The following OSBPL1A variants were observed in gnomAD, a reference collection of about 807,000 sequenced individuals.
OSBPL1A encodes oxysterol-binding protein-related protein 1.
In OSBPL1A, 80 loss-of-function variants were observed where a neutral mutation model predicts 137.1. The observed-to-expected ratio is 0.58, with a 90% CI of 0.49 to 0.70. The LOEUF (loss-of-function observed/expected upper bound fraction) is 0.70, where lower values mean the gene tolerates loss of function less well. Among genes scored for constraint, OSBPL1A ranks in the 30% least tolerant of loss-of-function variants. The pLI is 0.00. For missense variants in OSBPL1A, 970 were observed against 1,129.4 expected (o/e 0.86, Z 2.02); for synonymous variants, 365 against 389.7 (o/e 0.94, Z 0.75).
At chr18:24,205,087 T>G (rs1353804936) in intron 17 of OSBPL1A, among the ~76,000 whole-genome samples, 1 of 152,234 alleles carries the variant, frequency 6.6e-6, no homozygotes, top group Admixed American at 6.5e-5. Flanking sequence ...ACTTAATGTG[T>G]ATCACCTCAT....
chr18:24,328,307 G>A (rs994632220), intron 7 of OSBPL1A, among the ~76,000 whole-genome samples: 18 of 129,962 alleles, frequency 1.4e-4, no homozygotes, highest in African/African-American at 4.1e-4. Context: ...TGATCCGCCC[G>A]CCTCAGCCTC....
At chr18:24,174,785 T>C (rs1406628766) in intron 21 of OSBPL1A, among the ~76,000 whole-genome samples, 1 of 152,080 alleles carries the variant, frequency 6.6e-6, no homozygotes, top group African/African-American at 2.4e-5. Flanking sequence ...TTATTTATTT[T>C]TTTTTAGAGA....
chr18:24,321,210 G>A (rs1294149719), intron 7 of OSBPL1A, among the ~76,000 whole-genome samples: 1 of 151,984 alleles, frequency 6.6e-6, no homozygotes, highest in Non-Finnish European at 1.5e-5. Context: ...CACTTAAACT[G>A]CACAAATTCA....
intron 14 of OSBPL1A, 30 bp from the exon 15 acceptor site, chr18:24,280,978 C>A: frequency 6.1e-6 from 9 of 1,471,656 alleles, no homozygotes; most frequent in Middle Eastern, 1.8e-4. Flanking sequence ...TACAGTGAGT[C>A]GGATTTTAAG....
At chr18:24,350,804 A>C (rs2146170865) in intron 4 of OSBPL1A, among the ~76,000 whole-genome samples, 1 of 152,306 alleles carries the variant, frequency 6.6e-6, no homozygotes, top group East Asian at 1.9e-4. Flanking sequence ...CAAAGGTAAG[A>C]GGTATTTCCA....
chr18:24,170,254 G>A, intron 24 of OSBPL1A, 73 bp downstream of exon 24: 1 of 1,546,930 alleles, frequency 6.5e-7, no homozygotes, highest in Non-Finnish European at 8.8e-7. Context: ...CCTAGAACAG[G>A]CCACCTCCAA....
At chr18:24,322,350 T>C (rs1046442996) in intron 7 of OSBPL1A, among the ~76,000 whole-genome samples, 3 of 151,784 alleles carry the variant, frequency 2.0e-5, no homozygotes, top group Admixed American at 6.6e-5. Flanking sequence ...CTCGATCTCC[T>C]GACCTCGTGA....
In OSBPL1A at chr18:24,387,702, C is replaced by A. The variant is rs1275672686; in HGVS notation, c.-3+9953G>T. Among the ~76,000 whole-genome samples the A allele has an allele frequency of 2.0e-5, 3 of 151,972 alleles. No individual in the cohort carries two copies. The East Asian group carries it at 5.8e-4, about 29-fold the overall frequency. ...GCACTGGGATTACAGGCATGCGCCA[C>A]TGCACCCAGCCCACAATTTCTTTTC... On this transcript the variant is annotated intron_variant, in intron 1 of 27. Transcript: ENST00000319481.
At chr18:24,366,856 C>G in intron 4 of OSBPL1A, 36 bp downstream of exon 4, 1 of 1,584,036 alleles carries the variant, frequency 6.3e-7, no homozygotes, top group East Asian at 2.3e-5. Context: ...CTCCAAATAC[C>G]TCACTTACAA....
chr18:24,245,874 T>A (rs111773001), intron 15 of OSBPL1A, among the ~76,000 whole-genome samples: 6 of 152,294 alleles, frequency 3.9e-5, no homozygotes, highest in African/African-American at 1.4e-4. Flanking sequence ...TGAAACCTTT[T>A]TCAGTCCTTC....
intron 5 of OSBPL1A, among the ~76,000 whole-genome samples, chr18:24,338,308 C>T (rs569896663): frequency 5.9e-5 from 9 of 151,900 alleles, no homozygotes; most frequent in Admixed American, 1.3e-4. Flanking sequence ...TCTCGATCTC[C>T]TGACCTCATG....
chr18:24,247,445 TAAG>T (rs1347804577), intron 15 of OSBPL1A, among the ~76,000 whole-genome samples: 2 of 152,110 alleles, frequency 1.3e-5, no homozygotes, highest in African/African-American at 4.8e-5. Context: ...AACCTGTTCT[TAAG>T]AAGGTTTTTG....
chr18:24,285,777 CTT>C (rs1040091341), intron 14 of OSBPL1A, among the ~76,000 whole-genome samples: 1 of 152,154 alleles, frequency 6.6e-6, no homozygotes, highest in African/African-American at 2.4e-5. Flanking sequence ...GATGATTTAT[CTT>C]TTGTGGTGTA....
intron 7 of OSBPL1A, among the ~76,000 whole-genome samples, chr18:24,320,832 A>C (rs1037808552): frequency 1.3e-5 from 2 of 152,036 alleles, no homozygotes; most frequent in Admixed American, 1.3e-4. Context: ...GTTCGAGACC[A>C]GCCTGGCCAA....
At chr18:24,169,164 CAAAG>C (rs771213873) in intron 24 of OSBPL1A, among the ~76,000 whole-genome samples, 3 of 152,284 alleles carry the variant, frequency 2.0e-5, no homozygotes, top group Non-Finnish European at 4.4e-5. Flanking sequence ...TAAAGGGAAA[CAAAG>C]AAAGAAAGAA....
intron 2 of OSBPL1A, among the ~76,000 whole-genome samples, chr18:24,369,529 G>A (rs1414475476): frequency 6.6e-6 from 1 of 152,032 alleles, no homozygotes; most frequent in Non-Finnish European, 1.5e-5. Flanking sequence ...CACAGCTACT[G>A]TAGATAGCAG....
At chr18:24,356,874 G>C (rs2160810) in intron 4 of OSBPL1A, among the ~76,000 whole-genome samples, 103,171 of 152,022 alleles carry the variant, frequency 0.68, 35,664 homozygotes, top group East Asian at 0.84. Context: ...TGAACTTCCA[G>C]AAACTCAACC....
intron 2 of OSBPL1A, among the ~76,000 whole-genome samples, chr18:24,372,134 G>A (rs1288410762): frequency 1.3e-5 from 2 of 151,966 alleles, no homozygotes; most frequent in Non-Finnish European, 2.9e-5. Flanking sequence ...AATCAGCCAG[G>A]CGTGGTGGCG....
At chr18:24,257,586 A>T (rs955754947) in intron 15 of OSBPL1A, among the ~76,000 whole-genome samples, 1 of 152,206 alleles carries the variant, frequency 6.6e-6, no homozygotes, top group Non-Finnish European at 1.5e-5. Flanking sequence ...TTTCTTAGTA[A>T]TACCCCACAA....
Sources: allele counts gnomAD v4.1 joint callset (sites outside exome capture counted in the v4.1 genomes callset), GRCh38; gene constraint gnomAD v4.1.1; transcripts MANE v1.5; gene names NCBI Gene and HGNC (gene_info 2026-07-23, HGNC 2026-07-21).